Variants in TWSG1 observed in about 807,000 individuals in gnomAD.
The protein encoded by TWSG1 is twisted gastrulation protein homolog 1.
TWSG1 carries 15 observed loss-of-function variants against 23.0 expected under a neutral mutation model. That is an observed-to-expected ratio of 0.65 (90% CI 0.44 to 1.00). The LOEUF (loss-of-function observed/expected upper bound fraction) is 1.00. Ranked by LOEUF, TWSG1 falls within the 50% of genes least tolerant of loss-of-function variation. TWSG1 has a pLI of 0.00. For missense variants in TWSG1, 242 were observed against 278.7 expected (o/e 0.87, Z 0.94); for synonymous variants, 86 against 92.8 (o/e 0.93, Z 0.42).
intron 4 of TWSG1, chr18:9,396,878 G>C (rs1329713759): frequency 4.1e-5 from 15 of 367,904 alleles, no homozygotes; most frequent in Non-Finnish European, 3.4e-5. Flanking sequence ...GACCAACATG[G>C]TGAAACCCCA....
chr18:9,356,939 T>C lies in TWSG1; in HGVS notation c.124-3033T>C, dbSNP rs186441377. On this transcript the variant is annotated intron_variant, in intron 2 of 4. Transcript: ENST00000262120. ...ATTAAAATTTTTTAAAAAGCTTTATTTCTTGTGACTAAGTGCTAACCTTTA... is the reference window on the plus strand; with the variant it reads ...ATTAAAATTTTTTAAAAAGCTTTATCTCTTGTGACTAAGTGCTAACCTTTA... Among the ~76,000 whole-genome samples, 3 of 151,170 alleles carry C rather than the reference T, an allele frequency of 2.0e-5. No individual in the cohort carries two copies. In the East Asian group the frequency reaches 5.8e-4, roughly 29 times the overall value.
At chr18:9,346,987 G>C (rs575070916) in intron 2 of TWSG1, among the ~76,000 whole-genome samples, 46 of 152,290 alleles carry the variant, frequency 3.0e-4, no homozygotes, top group African/African-American at 1.1e-3. Flanking sequence ...ATCCTCACCA[G>C]CATTTGGTGT....
chr18:9,396,912 A>G (rs1043453293), intron 4 of TWSG1: 2 of 246,338 alleles, frequency 8.1e-6, no homozygotes, highest in Non-Finnish European at 1.5e-5. Flanking sequence ...TACAAAAATT[A>G]GCCGGGTGTG....
intron 2 of TWSG1, among the ~76,000 whole-genome samples, chr18:9,345,527 A>G (rs999422446): frequency 1.3e-5 from 2 of 152,142 alleles, no homozygotes; most frequent in Admixed American, 6.5e-5. Flanking sequence ...TTTCTCCCCC[A>G]CTGAGTTATA....
At chr18:9,397,509 T>C (rs1472368717) in intron 4 of TWSG1, among the ~76,000 whole-genome samples, 4 of 152,202 alleles carry the variant, frequency 2.6e-5, no homozygotes, top group Non-Finnish European at 5.9e-5. Context: ...ATATCATAAT[T>C]TTGGAATGTA....
chr18:9,381,406 AT>A (rs1487928059), intron 3 of TWSG1, among the ~76,000 whole-genome samples: 3 of 152,200 alleles, frequency 2.0e-5, no homozygotes, highest in Non-Finnish European at 4.4e-5. Flanking sequence ...CAGCTATGTA[AT>A]TGGAAAAAAG....
intron 3 of TWSG1, among the ~76,000 whole-genome samples, chr18:9,382,972 T>C (rs2040664962): frequency 6.6e-6 from 1 of 152,062 alleles, no homozygotes. Flanking sequence ...TATCAAAATA[T>C]GTCTTACATG....
chr18:9,360,132 A>G, intron 3 of TWSG1, 61 bp downstream of exon 3: 1 of 1,363,292 alleles, frequency 7.3e-7, no homozygotes, highest in Non-Finnish European at 1.0e-6. Context: ...TGGCTTTAAG[A>G]GACTTTAAGG....
intron 2 of TWSG1, among the ~76,000 whole-genome samples, chr18:9,345,743 A>G (rs1390693405): frequency 1.3e-5 from 2 of 152,052 alleles, no homozygotes; most frequent in Non-Finnish European, 2.9e-5. Flanking sequence ...GGTCCCTTGC[A>G]TTTTCATATG....
At position 9,345,944 on chromosome 18, in the gene TWSG1, G is replaced by A. The variant is rs549792961; in HGVS notation, c.123+8592G>A. Among the ~76,000 whole-genome samples, 12 of 152,258 alleles carry A rather than the reference G, an allele frequency of 7.9e-5. No homozygotes were observed. The East Asian group carries it at 2.3e-3, about 29-fold the overall frequency. ...TCTATTATTAACATCTTGCATCTGT[G>A]TGGTATACTTGTTACTATTGATGAA... On this transcript the variant is annotated intron_variant, in intron 2 of 4. Coordinates refer to ENST00000262120, the MANE Select transcript of TWSG1 (RefSeq NM_020648.6).
intron 2 of TWSG1, among the ~76,000 whole-genome samples, chr18:9,338,920 A>C (rs1221677069): frequency 6.6e-6 from 1 of 152,236 alleles, no homozygotes; most frequent in Non-Finnish European, 1.5e-5. Context: ...TACTTTGGCC[A>C]TGCACAGTGG....
intron 3 of TWSG1, chr18:9,388,244 C>T (rs894732317): frequency 6.6e-6 from 1 of 152,206 alleles, no homozygotes; most frequent in Non-Finnish European, 1.5e-5. Flanking sequence ...GCAAGAACAT[C>T]TCTCAGGTCA....
intron 4 of TWSG1, 173 bp downstream of exon 4, chr18:9,396,719 TGCCAG>T (rs2040738501): frequency 2.6e-6 from 2 of 754,980 alleles, no homozygotes; most frequent in Non-Finnish European, 3.9e-6. Context: ...TAGAGGCACA[TGCCAG>T]AAGGATAAGA....
chr18:9,360,941 GA>G (rs1353630025), intron 3 of TWSG1, among the ~76,000 whole-genome samples: 1 of 152,052 alleles, frequency 6.6e-6, no homozygotes, highest in East Asian at 1.9e-4. Flanking sequence ...ACTATCAGTT[GA>G]CTTCCTCTTA....
chr18:9,339,305 T>A (rs1449057566), intron 2 of TWSG1, among the ~76,000 whole-genome samples: 1 of 152,116 alleles, frequency 6.6e-6, no homozygotes, highest in Non-Finnish European at 1.5e-5. Context: ...CTTGTAAAGG[T>A]TTTTTTGTTT....
chr18:9,378,528 A>G (rs1375906603), intron 3 of TWSG1, among the ~76,000 whole-genome samples: 2 of 152,218 alleles, frequency 1.3e-5, no homozygotes, highest in Non-Finnish European at 2.9e-5. Context: ...TTGTCACAAA[A>G]AGAATAAAAT....
At chr18:9,383,186 TTTTTTTTG>T (rs1224891773) in intron 3 of TWSG1, among the ~76,000 whole-genome samples, 11 of 59,104 alleles carry the variant, frequency 1.9e-4, no homozygotes, top group African/African-American at 6.7e-4. Context: ...ATTACACGTT[TTTTTTTTG>T]TTTTTTTTTT....
At chr18:9,347,810 T>C (rs1260037147) in intron 2 of TWSG1, among the ~76,000 whole-genome samples, 1 of 152,128 alleles carries the variant, frequency 6.6e-6, no homozygotes, top group Non-Finnish European at 1.5e-5. Flanking sequence ...TTTTTCCTAT[T>C]AATATTATTT....
chr18:9,397,201 A>G (rs2040741560), intron 4 of TWSG1: 1 of 152,248 alleles, frequency 6.6e-6, no homozygotes, highest in Non-Finnish European at 1.5e-5. Flanking sequence ...TATTCTGTTC[A>G]TAAGATAGCA....
Sources: allele counts gnomAD v4.1 joint callset (sites outside exome capture counted in the v4.1 genomes callset), GRCh38; gene constraint gnomAD v4.1.1; transcripts MANE v1.5; gene names NCBI Gene and HGNC (gene_info 2026-07-23, HGNC 2026-07-21).